The following ASTN2 variants were observed in gnomAD, a reference collection of about 807,000 sequenced individuals.
ASTN2 encodes astrotactin 2.
ASTN2 carries 54 observed loss-of-function variants against 139.8 expected under a neutral mutation model. The observed-to-expected ratio is 0.39, with a 90% CI of 0.31 to 0.48. ASTN2 has a LOEUF of 0.48. Ranked by LOEUF, ASTN2 falls within the 20% of genes least tolerant of loss-of-function variation. ASTN2 has a pLI of 0.95. For synonymous variants in ASTN2, 756 were observed against 719.5 expected, an observed-to-expected ratio of 1.05 and a Z score of -0.81; for missense variants, 1,565 against 1,725.1, an observed-to-expected ratio of 0.91 and a Z score of 1.64.
At chr9:117,114,990 A>G (rs144859980) in intron 4 of ASTN2, among the ~76,000 whole-genome samples, 1 of 152,204 alleles carries the variant, frequency 6.6e-6, no homozygotes, top group East Asian at 1.9e-4. Flanking sequence ...CTACAGCCCC[A>G]CCTGGTGTTT....
chr9:116,886,662 C>T (rs576785304), intron 10 of ASTN2, among the ~76,000 whole-genome samples: 9 of 152,006 alleles, frequency 5.9e-5, no homozygotes, highest in African/African-American at 1.9e-4. Context: ...CTACTATGCC[C>T]GACTTGCTTT....
intron 19 of ASTN2, among the ~76,000 whole-genome samples, chr9:116,596,805 T>G (rs376347362): frequency 6.6e-6 from 1 of 152,176 alleles, no homozygotes; most frequent in Middle Eastern, 3.4e-3. Flanking sequence ...GAAAATGGGA[T>G]TAAGACTCAC....
chr9:117,071,148 A>G (rs1311010147), intron 5 of ASTN2, among the ~76,000 whole-genome samples: 1 of 150,598 alleles, frequency 6.6e-6, no homozygotes, highest in Admixed American at 6.6e-5. Context: ...GGTTTTATCT[A>G]CTTTTGGTGT....
At chr9:117,149,004 T>A (rs984257405) in intron 3 of ASTN2, among the ~76,000 whole-genome samples, 8 of 151,782 alleles carry the variant, frequency 5.3e-5, no homozygotes, top group Non-Finnish European at 8.8e-5. Context: ...CTTTTTTTTT[T>A]AATTTTAAAT....
At chr9:117,289,157 A>G (rs1485368249) in intron 2 of ASTN2, among the ~76,000 whole-genome samples, 2 of 152,170 alleles carry the variant, frequency 1.3e-5, no homozygotes, top group Admixed American at 1.3e-4. Context: ...TCTCCAAGAC[A>G]TGACTCTGTT....
chr9:116,610,639 T>C (rs955941260), intron 19 of ASTN2, among the ~76,000 whole-genome samples: 17 of 152,030 alleles, frequency 1.1e-4, no homozygotes, highest in Admixed American at 9.8e-4. Flanking sequence ...TAGGAAATTA[T>C]AGACTTTAAC....
At chr9:117,182,137 C>G (rs1290500935) in intron 3 of ASTN2, among the ~76,000 whole-genome samples, 2 of 152,008 alleles carry the variant, frequency 1.3e-5, no homozygotes, top group Admixed American at 6.6e-5. Flanking sequence ...CATATGGGCT[C>G]TCTCTCCCCT....
intron 17 of ASTN2, among the ~76,000 whole-genome samples, chr9:116,647,556 T>G (rs7849920): frequency 6.6e-6 from 1 of 152,184 alleles, no homozygotes; most frequent in Non-Finnish European, 1.5e-5. Flanking sequence ...ATCTGGCTCC[T>G]GCACAAACAG....
chr9:116,975,469 AT>A, intron 9 of ASTN2, 124 bp from the exon 10 acceptor site: 1 of 990,648 alleles, frequency 1.0e-6, no homozygotes. Context: ...CCCCAGCATT[AT>A]TTAAGGAACA....
intron 3 of ASTN2, among the ~76,000 whole-genome samples, chr9:117,143,595 A>G (rs1253432014): frequency 6.6e-6 from 1 of 152,244 alleles, no homozygotes; most frequent in Non-Finnish European, 1.5e-5. Flanking sequence ...GCTGAGAACC[A>G]AAGACATAGC....
intron 3 of ASTN2, among the ~76,000 whole-genome samples, chr9:117,206,240 C>T (rs1831918231): frequency 6.6e-6 from 1 of 152,182 alleles, no homozygotes; most frequent in African/African-American, 2.4e-5. Context: ...GTCACCCAGC[C>T]TCTGAAGCAC....
intron 11 of ASTN2, among the ~76,000 whole-genome samples, chr9:116,829,494 T>C (rs1284440043): frequency 1.3e-5 from 2 of 152,074 alleles, no homozygotes; most frequent in African/African-American, 2.4e-5. Flanking sequence ...AGAGGTTTAA[T>C]TGGCTTATGG....
intron 13 of ASTN2, among the ~76,000 whole-genome samples, chr9:116,760,135 G>A (rs973993412): frequency 6.6e-6 from 1 of 152,154 alleles, no homozygotes; most frequent in African/African-American, 2.4e-5. Context: ...ATACTCCATG[G>A]ACACAGATCT....
intron 19 of ASTN2, among the ~76,000 whole-genome samples, chr9:116,545,099 G>A (rs1455330509): frequency 6.6e-6 from 1 of 152,208 alleles, no homozygotes; most frequent in Non-Finnish European, 1.5e-5. Flanking sequence ...GACTGCACCA[G>A]CAACTGCTGG....
chr9:117,395,899 A>G (rs1438964359), intron 1 of ASTN2, among the ~76,000 whole-genome samples: 1 of 152,248 alleles, frequency 6.6e-6, no homozygotes, highest in Non-Finnish European at 1.5e-5. Context: ...CTGAACAACA[A>G]CAAGAAGAAT....
intron 20 of ASTN2, among the ~76,000 whole-genome samples, chr9:116,471,319 G>A (rs1424923205): frequency 1.3e-5 from 2 of 152,148 alleles, no homozygotes; most frequent in East Asian, 1.9e-4. Context: ...CTCCACAAGC[G>A]AGACAGCTTC....
At chr9:117,063,517 C>T (rs1420035701) in intron 5 of ASTN2, among the ~76,000 whole-genome samples, 1 of 152,174 alleles carries the variant, frequency 6.6e-6, no homozygotes, top group African/African-American at 2.4e-5. Flanking sequence ...CTTTCACCTT[C>T]CACCATGACT....
In ASTN2 at chr9:116,618,399, T is replaced by C; in HGVS notation, c.3280A>G (p.Ile1094Val). ...ATATAGTCGGAGACCTTGGTCCCAA[T>C]AGCTGGCTGAACATCCACCCACTCC... is the stretch of plus-strand genomic sequence containing the variant. The part of the protein sequence containing the change: ...SLEWVDVQPA[I>V]GTKVSDYILQ... The change falls in exon 19 of 23, where the codon ATT becomes GTT. Residue 1094 changes from isoleucine to valine, a missense_variant. Physicochemically the swap from Ile to Val is conservative, Grantham distance 29. Coordinates refer to ENST00000313400, the MANE Select transcript of ASTN2 (RefSeq NM_001365068.1). 8 of 1,614,160 alleles carry C rather than the reference T, an allele frequency of 5.0e-6. No individual in the cohort carries two copies. Among genetic ancestry groups the C allele is most frequent in the Non-Finnish European group, 6.8e-6 (8 of 1,179,998 alleles).
At chr9:116,804,175 C>A (rs963190719) in intron 13 of ASTN2, among the ~76,000 whole-genome samples, 1 of 152,158 alleles carries the variant, frequency 6.6e-6, no homozygotes, top group Non-Finnish European at 1.5e-5. Context: ...GAATTCACAT[C>A]TCCATTCTCA....
Sources: gnomAD v4.1 joint callset for allele counts (sites outside exome capture counted in the v4.1 genomes callset) on GRCh38, gnomAD v4.1.1 for gene constraint, MANE v1.5 for transcripts, NCBI Gene and HGNC (gene_info 2026-07-23, HGNC 2026-07-21) for gene names.